Variants in IL16 observed in about 807,000 individuals in gnomAD.
The protein encoded by IL16 is interleukin 16.
A neutral mutation model predicts 110.1 loss-of-function variants in IL16; 67 were observed. The ratio of observed to expected loss-of-function variants is 0.61; its 90% CI spans 0.50 to 0.75. IL16 has a LOEUF of 0.75. Ranked by LOEUF, IL16 falls within the 30% of genes least tolerant of loss-of-function variation. The probability of loss-of-function intolerance (pLI) is 0.00; values close to 1 mark genes in which losing one functional copy is unlikely to be tolerated. For synonymous variants in IL16, 689 were observed against 662.9 expected (o/e 1.04, Z -0.61); for missense variants, 1,545 against 1,655.0 (o/e 0.93, Z 1.15).
chr15:81,199,646 A>G (rs1160523726), intron 1 of IL16, among the ~76,000 whole-genome samples: 3 of 152,218 alleles, frequency 2.0e-5, no homozygotes, highest in Admixed American at 1.3e-4. Flanking sequence ...TTGCTCAGCC[A>G]ATAGGAGGCG....
chr15:81,268,544 G>A (rs566935155), intron 4 of IL16, among the ~76,000 whole-genome samples: 1 of 152,384 alleles, frequency 6.6e-6, no homozygotes, highest in African/African-American at 2.4e-5. Context: ...GCATGGGCCT[G>A]GGAGTCAGCA....
chr15:81,281,105 A>C (rs1168425623), intron 8 of IL16, among the ~76,000 whole-genome samples: 1 of 152,176 alleles, frequency 6.6e-6, no homozygotes, highest in Non-Finnish European at 1.5e-5. Context: ...TAGACTGAAA[A>C]ACTTGCTCTA....
At chr15:81,245,407 A>G (rs1897502050) in intron 2 of IL16, among the ~76,000 whole-genome samples, 1 of 152,166 alleles carries the variant, frequency 6.6e-6, no homozygotes, top group African/African-American at 2.4e-5. Flanking sequence ...GGGACTTCTC[A>G]TTAATGTTGT....
chr15:81,202,757 C>T (rs1895866974), intron 1 of IL16, among the ~76,000 whole-genome samples: 2 of 152,174 alleles, frequency 1.3e-5, no homozygotes, highest in South Asian at 4.1e-4. Flanking sequence ...CAAGTCTTTG[C>T]TATTGTGAAT....
chr15:81,272,931 T>G (rs966303638), intron 5 of IL16, among the ~76,000 whole-genome samples, 159 bp from the exon 6 acceptor site: 2 of 146,724 alleles, frequency 1.4e-5, no homozygotes, highest in South Asian at 2.1e-4. Flanking sequence ...GGTGTTGTTG[T>G]TGTTGTTGTT....
chr15:81,194,940 G>A (rs570300315), upstream of IL16, among the ~76,000 whole-genome samples: 15 of 152,218 alleles, frequency 9.9e-5, no homozygotes, highest in African/African-American at 3.4e-4. Context: ...ACCAGGGCGG[G>A]GCTCTCTCAC....
At chr15:81,268,115 G>A (rs1284393191) in intron 4 of IL16, among the ~76,000 whole-genome samples, 1 of 152,218 alleles carries the variant, frequency 6.6e-6, no homozygotes, top group Non-Finnish European at 1.5e-5. Context: ...GAGAAAGTGG[G>A]ATCCACAGTG....
rs950347444 is a variant in IL16 at position 81,303,971 on chromosome 15, G to A, written c.3420+321G>A. Among the ~76,000 whole-genome samples, 5 of 152,192 alleles carry A rather than the reference G, an allele frequency of 3.3e-5. No individual in the cohort carries two copies. Among genetic ancestry groups the A allele is most frequent in the African/African-American group, 1.2e-4 (5 of 41,444 alleles). On this transcript the variant is annotated intron_variant, in intron 16 of 18. Transcript: ENST00000683961. This position sits in a 1 kb window ranked among gnomAD's most constrained non-coding sequence, Gnocchi z 4.1. ...TGCCAGTTTTGTGGAGCCATGCTGC[G>A]GCTGCTCGCTCTCTAAAGCCGAGTG...
chr15:81,260,671 C>T (rs1898118140), intron 3 of IL16, among the ~76,000 whole-genome samples: 1 of 152,168 alleles, frequency 6.6e-6, no homozygotes, highest in Non-Finnish European at 1.5e-5. Context: ...ATACAGAAGG[C>T]AGTGGCCTGG....
At chr15:81,301,289 G>A (rs1335588201) in intron 14 of IL16, 55 bp from the exon 15 acceptor site, 1 of 1,490,586 alleles carries the variant, frequency 6.7e-7, no homozygotes, top group Non-Finnish European at 9.1e-7. Flanking sequence ...TACAATCACT[G>A]TTACCTCTTT....
chr15:81,219,929 G>C (rs1896558424), intron 1 of IL16, among the ~76,000 whole-genome samples: 1 of 152,158 alleles, frequency 6.6e-6, no homozygotes, highest in South Asian at 2.1e-4. Context: ...GACAAAAAAT[G>C]AATGAGACTA....
At chr15:81,204,222 G>T (rs1895926349) in intron 1 of IL16, among the ~76,000 whole-genome samples, 1 of 152,044 alleles carries the variant, frequency 6.6e-6, no homozygotes, top group Admixed American at 6.6e-5. Context: ...GAGATTTTGG[G>T]CTGAGACGAT....
intron 2 of IL16, among the ~76,000 whole-genome samples, chr15:81,257,339 G>A (rs1052991106): frequency 6.6e-6 from 1 of 152,172 alleles, no homozygotes; most frequent in South Asian, 2.1e-4. Context: ...TCCAGTTGGC[G>A]ACAGAGTACA....
chr15:81,277,647 T>C (rs1404642279), intron 6 of IL16, among the ~76,000 whole-genome samples: 1 of 152,126 alleles, frequency 6.6e-6, no homozygotes, highest in African/African-American at 2.4e-5. Context: ...TTTCGCCATG[T>C]TGCCCAGGGT....
rs1900189327 is a variant in IL16, at chr15:81,299,991, C to T, written c.2665C>T (p.Arg889Ter). ...AGGACGGTTTTCTGGACTCTTGGGG[C>T]GAGGGGCTGCACCCACTCTTGTGCC... The part of the protein sequence containing the change: ...EEGRFSGLLG[R>*]GAAPTLVPQQ... The change falls in exon 14 of 19, where the codon CGA (arginine) becomes TGA (stop). Residue 889 changes from arginine (R) to a stop codon, truncating the protein, a stop_gained. Coordinates refer to ENST00000683961, the MANE Select transcript of IL16 (RefSeq NM_172217.5). LOFTEE classifies it high-confidence loss of function. 3.8e-6 allele frequency: 6 copies of T among 1,596,434 alleles called. No individual in the cohort carries two copies. Among genetic ancestry groups the T allele is most frequent in the South Asian group, 2.3e-5 (2 of 88,822 alleles).
At position 81,306,123 on chromosome 15, in the gene IL16, TGCAGCCTCA is replaced by T. The variant is rs778974470; in HGVS notation, c.3639_3647del (p.Ala1214_Ala1216del). On this transcript the variant is annotated inframe_deletion, in exon 17 of 19. Transcript: ENST00000683961. The stretch of plus-strand genomic sequence containing the variant: ...CCGACCTCAACTCCTCCACTGACTC[TGCAGCCTCA>T]GCCTCTGCAGCCAGTGATGTTTCTG... 1 of 1,614,168 alleles carries T rather than the reference TGCAGCCTCA, an allele frequency of 6.2e-7. No homozygotes were observed. Among genetic ancestry groups the T allele is most frequent in the East Asian group, 2.2e-5 (1 of 44,882 alleles).
chr15:81,221,240 G>A (rs72744137), intron 1 of IL16, among the ~76,000 whole-genome samples: 12,839 of 152,044 alleles, frequency 0.084, 554 homozygotes, highest in Middle Eastern at 0.1. Flanking sequence ...ACAACTGATC[G>A]CATTAGCTTA....
chr15:81,260,629 T>C (rs140493669), intron 3 of IL16, among the ~76,000 whole-genome samples: 234 of 152,314 alleles, frequency 1.5e-3, no homozygotes, highest in African/African-American at 5.6e-3. Flanking sequence ...ACATGAGATT[T>C]TGTCTGAGTT....
At chr15:81,299,349 G>T (rs1469525264) in intron 13 of IL16, 31 bp from the exon 14 acceptor site, 2 of 1,606,982 alleles carry the variant, frequency 1.2e-6, no homozygotes, top group Admixed American at 1.7e-5. Flanking sequence ...ATGATGTAAT[G>T]CACAGCTTTG....
Sources: gnomAD v4.1 joint callset for allele counts (sites outside exome capture counted in the v4.1 genomes callset) on GRCh38, gnomAD v4.1.1 for gene constraint, Gnocchi (gnomAD v3.1) non-coding constraint, MANE v1.5 for transcripts, NCBI Gene and HGNC (gene_info 2026-07-23, HGNC 2026-07-21) for gene names.